The following CYP2A13 variants were observed in gnomAD, a reference collection of about 807,000 sequenced individuals.
CYP2A13 encodes the protein cytochrome P450 2A13.
Under a neutral mutation model 39.4 loss-of-function variants are expected in CYP2A13, and 30 were observed. The observed-to-expected ratio is 0.76, with a 90% CI of 0.57 to 1.03. CYP2A13 has a LOEUF of 1.03. CYP2A13 is among the 50% of genes least tolerant of loss of function. The probability of loss-of-function intolerance (pLI) is 0.00; values close to 1 mark genes in which losing one functional copy is unlikely to be tolerated. For missense variants in CYP2A13, 731 were observed against 648.4 expected, an observed-to-expected ratio of 1.13 and a Z score of -1.38; for synonymous variants, 269 against 254.7, an observed-to-expected ratio of 1.06 and a Z score of -0.54.
In CYP2A13 at chr19:41,093,714, G is replaced by C. The variant is rs368110735; in HGVS notation, c.916G>C (p.Val306Leu). The change falls in exon 6 of 9, where the codon GTG (valine) becomes CTG (leucine). Residue 306 changes from valine to leucine, a missense_variant. Val to Leu is a conservative substitution (Grantham distance 32, BLOSUM62 1). Transcript: ENST00000330436. The part of the protein sequence containing the change: ...LNLFFAGTET[V>L]STTLRYGFLL... ...CCTCTTCTTTGCGGGCACTGAGACC[G>C]TGAGCACCACCCTGCGCTACGGTTT... 1 of 1,614,056 alleles carries C rather than the reference G, an allele frequency of 6.2e-7. No homozygotes were observed. Among genetic ancestry groups the C allele is most frequent in the Non-Finnish European group, 8.5e-7 (1 of 1,180,002 alleles).
chr19:41,089,861 TCTCTCTCTCTCG>T (rs2031139441), intron 2 of CYP2A13, among the ~76,000 whole-genome samples, 174 bp from the exon 3 acceptor site: 2 of 101,668 alleles, frequency 2.0e-5, no homozygotes, highest in East Asian at 2.6e-4. Flanking sequence ...TCTCTCTCTC[TCTCTCTCTCTCG>T]TGCTCTCGTG....
In CYP2A13 at chr19:41,088,475, C is replaced by T. The variant is rs755759254; in HGVS notation, c.4C>T (p.Leu2=). 12 of 1,612,886 alleles carry T rather than the reference C, an allele frequency of 7.4e-6. No homozygotes were observed. The highest frequency in any genetic ancestry group is 1.0e-5 in the Non-Finnish European group (12 of 1,179,254). The part of the protein sequence containing the change: M[L]ASGLLLVTLL... ...CATCTATCATCCCACTGCCACCATG[C>T]TGGCCTCAGGGCTGCTTCTGGTGAC... Residue 2 remains leucine, a synonymous_variant, in exon 1 of 9, where the codon CTG becomes TTG. Transcript: ENST00000330436.
rs1236532686 is a variant in CYP2A13, at chr19:41,095,058, G to C, written c.1261G>C (p.Gly421Arg). 3.7e-6 allele frequency: 6 copies of C among 1,613,994 alleles called. No individual in the cohort carries two copies. Among genetic ancestry groups the C allele is most frequent in the East Asian group, 2.2e-5 (1 of 44,896 alleles). Residue 421 changes from glycine to arginine, a missense_variant, in exon 8 of 9, where the codon GGG becomes CGG. By Grantham distance (125) the Gly-to-Arg change is moderately radical. Coordinates refer to ENST00000330436, the MANE Select transcript of CYP2A13 (RefSeq NM_000766.5). ...TCCCCAGCACTTCCTGGATAAGAAGGGGCAGTTTAAGAAGAGTGATGCTTT... is the reference window on the plus strand; with the variant it reads ...TCCCCAGCACTTCCTGGATAAGAAGCGGCAGTTTAAGAAGAGTGATGCTTT... ...FNPQHFLDKKGQFKKSDAFVP... is the reference protein window; with the variant it reads ...FNPQHFLDKKRQFKKSDAFVP...
Position 41,089,011 on chromosome 19 carries a change from A to G in CYP2A13, c.263A>G (p.Lys88Arg), listed in dbSNP as rs138627841. The G allele has an allele frequency of 5.6e-4, 907 of 1,613,154 alleles. 2 individuals are homozygous for G. The highest frequency in any genetic ancestry group is 1.5e-3 in the Admixed American group (91 of 59,998). Residue 88 changes from lysine to arginine, a missense_variant, in exon 2 of 9, where the codon AAG (lysine) becomes AGG (arginine). Physicochemically the swap from Lys to Arg is conservative, Grantham distance 26. Coordinates refer to ENST00000330436, the MANE Select transcript of CYP2A13 (RefSeq NM_000766.5). Reference sequence around the variant, plus strand: ...GTGCTGTGCGGACATGATGCCGTCAAGGAGGCTCTGGTGGACCAGGCTGAG... The same window carrying G: ...GTGCTGTGCGGACATGATGCCGTCAGGGAGGCTCTGGTGGACCAGGCTGAG... ...VVVLCGHDAV[K>R]EALVDQAEEF...
chr19:41,089,583 C>A (rs574128151), intron 2 of CYP2A13, among the ~76,000 whole-genome samples: 1 of 152,096 alleles, frequency 6.6e-6, no homozygotes, highest in South Asian at 2.1e-4. Flanking sequence ...TTTCTGTCTC[C>A]ATATTTTTCT....
Position 41,093,643 on chromosome 19 carries a change from C to T in CYP2A13, c.845C>T (p.Pro282Leu). Residue 282 changes from proline (P) to leucine (L), a missense_variant, in exon 6 of 9, where the codon CCC becomes CTC. By Grantham distance (98) the Pro-to-Leu change is moderately conservative. Coordinates refer to ENST00000330436, the MANE Select transcript of CYP2A13 (RefSeq NM_000766.5). Reference sequence around the variant, plus strand: ...CTCTCCCTGCAGGAGGAGAAGAACCCCAACACAGAGTTCTACTTGAAGAAC... The same window carrying T: ...CTCTCCCTGCAGGAGGAGAAGAACCTCAACACAGAGTTCTACTTGAAGAAC... The part of the protein sequence containing the change: ...LIRMQEEEKN[P>L]NTEFYLKNLV... 6.2e-7 allele frequency: 1 copy of T among 1,614,126 alleles called. No individual in the cohort carries two copies. The highest frequency in any genetic ancestry group is 8.5e-7 in the Non-Finnish European group (1 of 1,180,008).
Position 41,088,510 on chromosome 19 carries a change from CT to C in CYP2A13, c.40del (p.Cys14AlafsTer2). On this transcript the variant is annotated frameshift_variant, in exon 1 of 9. Transcript: ENST00000330436. LOFTEE classifies it high-confidence loss of function. ...GGCTGCTTCTGGTGACCTTGCTGGCCTGCCTGACTGTGATGGTCTTGATGTC... is the reference window on the plus strand; with the variant it reads ...GGCTGCTTCTGGTGACCTTGCTGGCCGCCTGACTGTGATGGTCTTGATGTC... Reference protein sequence around the residue: ...SGLLLVTLLACLTVMVLMSVW... With the variant: ...SGLLLVTLLAXLTVMVLMSVW... 1.9e-6 allele frequency: 3 copies of C among 1,614,028 alleles called. No individual in the cohort carries two copies. In the South Asian group the frequency reaches 3.3e-5, roughly 18 times the overall value.
At chr19:41,095,719 G>T in intron 8 of CYP2A13, 41 bp from the exon 9 acceptor site, 1 of 1,610,762 alleles carries the variant, frequency 6.2e-7, no homozygotes, top group Non-Finnish European at 8.5e-7. Context: ...GCTGCACTGA[G>T]AGTGGGCTTC....
chr19:41,093,964 G>C (rs2031245141), intron 6 of CYP2A13, among the ~76,000 whole-genome samples, 193 bp downstream of exon 6: 1 of 152,052 alleles, frequency 6.6e-6, no homozygotes, highest in Non-Finnish European at 1.5e-5. Flanking sequence ...TGTCTGCACT[G>C]ATTGGTCAGT....
chr19:41,094,365 T>C lies in CYP2A13; in HGVS notation c.1094T>C (p.Met365Thr), dbSNP rs767865535. 5.6e-6 allele frequency: 9 copies of C among 1,614,076 alleles called. No individual in the cohort carries two copies. Among genetic ancestry groups the C allele is most frequent in the Non-Finnish European group, 1.7e-6 (2 of 1,180,004 alleles). ...VIHEIQRFGD[M>T]LPMGLAHRVN... is the part of the protein sequence containing the mutation. ...CACGAGATCCAAAGATTTGGAGACA[T>C]GCTCCCCATGGGTTTGGCCCACAGG... Residue 365 changes from methionine (M) to threonine (T), a missense_variant, in exon 7 of 9, where the codon ATG (methionine) becomes ACG (threonine). Coordinates refer to ENST00000330436, the MANE Select transcript of CYP2A13 (RefSeq NM_000766.5).
intron 3 of CYP2A13, 103 bp downstream of exon 3, chr19:41,090,299 G>A: frequency 1.3e-6 from 2 of 1,578,080 alleles, no homozygotes; most frequent in Admixed American, 1.8e-5. Flanking sequence ...CTGGAGTCTG[G>A]CGCTGGGATT....
chr19:41,089,804 G>GTCTCTCTCTCTC (rs752348205), intron 2 of CYP2A13, among the ~76,000 whole-genome samples: 1 of 26,514 alleles, frequency 3.8e-5, no homozygotes, highest in Non-Finnish European at 9.2e-5. Flanking sequence ...TTTCTACCCG[G>GTCTCTCTCTCTC]TCTCTCTCTC....
At chr19:41,091,432 C>T (rs1216612830) in intron 4 of CYP2A13, among the ~76,000 whole-genome samples, 2 of 152,220 alleles carry the variant, frequency 1.3e-5, no homozygotes, top group Non-Finnish European at 2.9e-5. Context: ...TCTTCCAACT[C>T]AACTTCACTT....
chr19:41,089,191 C>T, intron 2 of CYP2A13, 100 bp downstream of exon 2: 5 of 1,559,778 alleles, frequency 3.2e-6, no homozygotes, highest in Non-Finnish European at 4.3e-6. Flanking sequence ...GAGGCTATGG[C>T]AGAGCCCCCT....
At chr19:41,094,898 G>C in intron 7 of CYP2A13, 61 bp from the exon 8 acceptor site, 3 of 1,598,266 alleles carry the variant, frequency 1.9e-6, no homozygotes, top group Non-Finnish European at 1.7e-6. Flanking sequence ...TGCAGCCCCT[G>C]TGTACTTTCA....
chr19:41,090,478 C>A lies in CYP2A13; in HGVS notation c.568C>A (p.Arg190Ser). The change falls in exon 4 of 9, where the codon CGC becomes AGC. Residue 190 changes from arginine (R) to serine (S), a missense_variant. Arg to Ser is a moderately radical substitution (Grantham distance 110). Transcript: ENST00000330436. Reference protein sequence around the residue: ...NVISSIVFGDRFDYEDKEFLS... With the variant: ...NVISSIVFGDSFDYEDKEFLS... ...CATCAGCTCCATTGTCTTTGGGGACCGCTTTGACTATGAGGACAAAGAGTT... is the reference window on the plus strand; with the variant it reads ...CATCAGCTCCATTGTCTTTGGGGACAGCTTTGACTATGAGGACAAAGAGTT... 1.2e-6 allele frequency: 2 copies of A among 1,614,160 alleles called. No homozygotes were observed. The highest frequency in any genetic ancestry group is 8.5e-7 in the Non-Finnish European group (1 of 1,180,030).
chr19:41,095,215 A>T (rs1225791678), intron 8 of CYP2A13, 115 bp downstream of exon 8: 1 of 1,598,900 alleles, frequency 6.3e-7, no homozygotes, highest in East Asian at 2.2e-5. Context: ...AGTTCCTGTT[A>T]GAATCTACCA....
Position 41,095,077 on chromosome 19 carries a change from A to T in CYP2A13, c.1280A>T (p.Asp427Val). 6.2e-7 allele frequency: 1 copy of T among 1,614,106 alleles called. No homozygotes were observed. Among genetic ancestry groups the T allele is most frequent in the Non-Finnish European group, 8.5e-7 (1 of 1,180,024 alleles). ...AAGAAGGGGCAGTTTAAGAAGAGTG[A>T]TGCTTTTGTGCCCTTTTCCATCGGT... ...LDKKGQFKKS[D>V]AFVPFSIGKR... Residue 427 changes from aspartate (D) to valine (V), a missense_variant, in exon 8 of 9, where the codon GAT (aspartate) becomes GTT (valine). Coordinates refer to ENST00000330436, the MANE Select transcript of CYP2A13 (RefSeq NM_000766.5).
chr19:41,092,413 A>G (rs12459709), intron 5 of CYP2A13, among the ~76,000 whole-genome samples: 10,852 of 151,292 alleles, frequency 0.072, 506 homozygotes, highest in Admixed American at 0.15. Context: ...AGCACGACTT[A>G]TGCACGTGCA....
Sources: gnomAD v4.1 joint callset for allele counts (sites outside exome capture counted in the v4.1 genomes callset) on GRCh38, gnomAD v4.1.1 for gene constraint, MANE v1.5 for transcripts, NCBI Gene and HGNC (gene_info 2026-07-23, HGNC 2026-07-21) for gene names.